RERE: variants seen among roughly 807,000 people sequenced by gnomAD.
The protein encoded by RERE is arginine-glutamic acid dipeptide repeats protein.
RERE carries 40 observed loss-of-function variants against 146.1 expected under a neutral mutation model. The ratio of observed to expected loss-of-function variants is 0.27; its 90% CI spans 0.21 to 0.36. The LOEUF is 0.36. Among genes scored for constraint, RERE ranks in the 10% least tolerant of loss-of-function variants. The pLI, the probability that RERE is intolerant of heterozygous loss-of-function variation, is 1.00. For synonymous variants in RERE, 1,003 were observed against 866.0 expected (o/e 1.16, Z -2.78); for missense variants, 1,933 against 2,138.7 (o/e 0.90, Z 1.90).
rs1170975033 is a variant in RERE at position 8,361,044 on chromosome 1, C to A, written c.2463G>T (p.Ser821=). The A allele has an allele frequency of 7.0e-7, 1 of 1,428,904 alleles. No homozygotes were observed. The highest frequency in any genetic ancestry group is 1.5e-5 in the African/African-American group (1 of 68,608). 88.5% of individuals were successfully genotyped at this position (1,428,904 alleles called of 1,614,324 possible). A position where few individuals can be genotyped will look rare whatever the true frequency, so the allele number is the denominator to read the frequency against. The change falls in exon 18 of 23, where the codon TCG becomes TCT. Residue 821 remains serine (S), a synonymous_variant. Transcript: ENST00000400908. The stretch of plus-strand genomic sequence containing the variant: ...TCAGAGGCTGCAGCGGGGGATGTGG[C>A]GAGGGATGCGGCGGGGGATGCGGTG... The part of the protein sequence containing the change: ...PPSPHPPPHP[S]PHPPLQPLTG...
intron 1 of RERE, among the ~76,000 whole-genome samples, chr1:8,815,161 C>A (rs1185446940): frequency 6.6e-6 from 1 of 152,162 alleles, no homozygotes; most frequent in East Asian, 1.9e-4. Flanking sequence ...GGTGGACTAG[C>A]CTATTCCCTG....
chr1:8,366,917 A>AAAAAAAAAAAC (rs1557592045), intron 12 of RERE, among the ~76,000 whole-genome samples: 6 of 3,268 alleles, frequency 1.8e-3, no homozygotes, highest in Non-Finnish European at 3.5e-3. Flanking sequence ...AAAAAAAAAC[A>AAAAAAAAAAAC]AAAAAAAAAA....
chr1:8,404,367 G>A (rs546293345), intron 12 of RERE, among the ~76,000 whole-genome samples: 14 of 152,016 alleles, frequency 9.2e-5, no homozygotes, highest in African/African-American at 2.9e-4. Context: ...GCAGTGAGCC[G>A]AGATCGCACC....
intron 1 of RERE, among the ~76,000 whole-genome samples, chr1:8,700,654 G>T (rs1639427423): frequency 6.6e-6 from 1 of 152,052 alleles, no homozygotes; most frequent in African/African-American, 2.4e-5. Flanking sequence ...GAGACAAGGG[G>T]GAAACATTCT....
chr1:8,402,796 A>T (rs1429006979), intron 12 of RERE, among the ~76,000 whole-genome samples: 3 of 152,184 alleles, frequency 2.0e-5, no homozygotes, highest in African/African-American at 7.2e-5. Flanking sequence ...AGCCTCTGAG[A>T]AATAGCTTAA....
At chr1:8,496,150 T>TAAAAAAAAAAAAAA (rs36115213) in intron 9 of RERE, among the ~76,000 whole-genome samples, 79 of 118,394 alleles carry the variant, frequency 6.7e-4, no homozygotes, top group African/African-American at 2.6e-3. Flanking sequence ...GACCCTGTCT[T>TAAAAAAAAAAAAAA]AAAAAAAAAA....
intron 12 of RERE, among the ~76,000 whole-genome samples, chr1:8,416,522 C>CT (rs1434204827): frequency 6.9e-6 from 1 of 145,304 alleles, no homozygotes; most frequent in Non-Finnish European, 1.5e-5. Flanking sequence ...GGAGGCGGAG[C>CT]TTGCAGTGAG....
At chr1:8,497,810 A>G (rs1645064972) in intron 8 of RERE, among the ~76,000 whole-genome samples, 1 of 152,242 alleles carries the variant, frequency 6.6e-6, no homozygotes, top group African/African-American at 2.4e-5. Context: ...TGAAGCACAC[A>G]CATATGCATA....
chr1:8,575,559 A>T (rs3104555), intron 4 of RERE, among the ~76,000 whole-genome samples: 9,620 of 65,832 alleles, frequency 0.15, 498 homozygotes, highest in African/African-American at 0.27. Flanking sequence ...ATATATATAT[A>T]TATTTTTTTT....
intron 2 of RERE, among the ~76,000 whole-genome samples, chr1:8,654,640 GTT>G (rs556447662): frequency 7.1e-6 from 1 of 141,730 alleles, no homozygotes; most frequent in African/African-American, 2.6e-5. Flanking sequence ...GTTTTTTTTT[GTT>G]TTTTTTTTTG....
intron 6 of RERE, among the ~76,000 whole-genome samples, chr1:8,547,285 T>G (rs1645875459): frequency 6.6e-6 from 1 of 152,100 alleles, no homozygotes; most frequent in Admixed American, 6.5e-5. Flanking sequence ...CTCAAACCAC[T>G]ACAATCAACA....
intron 8 of RERE, among the ~76,000 whole-genome samples, chr1:8,505,975 T>C (rs547916268): frequency 6.6e-6 from 1 of 152,290 alleles, no homozygotes; most frequent in East Asian, 1.9e-4. Flanking sequence ...AATGGTGGTA[T>C]ACAAAAATCC....
chr1:8,644,144 C>T (rs1647223635), intron 2 of RERE, among the ~76,000 whole-genome samples: 1 of 152,206 alleles, frequency 6.6e-6, no homozygotes, highest in Admixed American at 6.5e-5. Context: ...TTCCCAAGCT[C>T]ATTGTGGGGA....
intron 4 of RERE, among the ~76,000 whole-genome samples, chr1:8,610,317 A>G (rs952710995): frequency 2.6e-5 from 4 of 152,092 alleles, no homozygotes; most frequent in Non-Finnish European, 5.9e-5. Flanking sequence ...TGGGCCGGGC[A>G]CAGTGGCTCA....
chr1:8,756,258 C>T (rs1295966065), intron 1 of RERE, among the ~76,000 whole-genome samples: 2 of 152,152 alleles, frequency 1.3e-5, no homozygotes, highest in South Asian at 2.1e-4. Context: ...TAGATCATGG[C>T]TAACCATTTG....
chr1:8,651,195 C>A (rs1324136565), intron 2 of RERE, among the ~76,000 whole-genome samples: 2 of 152,024 alleles, frequency 1.3e-5, no homozygotes, highest in African/African-American at 4.8e-5. Context: ...AGGAGGATCA[C>A]TTGAGGCCAG....
intron 7 of RERE, among the ~76,000 whole-genome samples, chr1:8,510,100 C>T (rs939032325): frequency 2.0e-5 from 3 of 151,704 alleles, no homozygotes; most frequent in Admixed American, 6.6e-5. Context: ...GAGGAGAAGA[C>T]GAAGAAGAGG....
chr1:8,420,674 C>A (rs1557623338), intron 12 of RERE, among the ~76,000 whole-genome samples: 1 of 152,190 alleles, frequency 6.6e-6, no homozygotes, highest in Non-Finnish European at 1.5e-5. Flanking sequence ...TTGCTGCAAA[C>A]AACTCTCTCA....
At chr1:8,778,065 C>T (rs1641101532) in intron 1 of RERE, among the ~76,000 whole-genome samples, 1 of 152,226 alleles carries the variant, frequency 6.6e-6, no homozygotes, top group East Asian at 1.9e-4. Flanking sequence ...AATACAGCAG[C>T]TCAATCATTC....
Sources: allele counts gnomAD v4.1 joint callset (sites outside exome capture counted in the v4.1 genomes callset), GRCh38; gene constraint gnomAD v4.1.1; transcripts MANE v1.5; gene names NCBI Gene and HGNC (gene_info 2026-07-23, HGNC 2026-07-21).